Variants in AK5 observed in about 807,000 individuals in gnomAD.
AK5 encodes the protein adenylate kinase isoenzyme 5.
Under a neutral mutation model 69.5 loss-of-function variants are expected in AK5, and 27 were observed. The ratio of observed to expected loss-of-function variants is 0.39; its 90% CI spans 0.29 to 0.54. AK5 has a LOEUF of 0.54. AK5 is among the 20% of genes least tolerant of loss of function. The probability of loss-of-function intolerance (pLI) is 0.71; values close to 1 mark genes in which losing one functional copy is unlikely to be tolerated. For missense variants in AK5, 531 were observed against 700.4 expected, an observed-to-expected ratio of 0.76 and a Z score of 2.73; for synonymous variants, 260 against 244.4, an observed-to-expected ratio of 1.06 and a Z score of -0.60.
In AK5 at chr1:77,554,722, G is replaced by C. The variant is rs375121943; in HGVS notation, c.1621-3880G>C. Among the ~76,000 whole-genome samples, 29 of 151,406 alleles carry C rather than the reference G, an allele frequency of 1.9e-4. No homozygotes were observed. In the East Asian group the frequency reaches 3.7e-3, roughly 19 times the overall value. ...CCGGGTTCACGCCATTCTCCTGCCT[G>C]AGCCTCCCGAGTAGCTGGGACTACA... On this transcript the variant is annotated intron_variant, in intron 13 of 13. Coordinates refer to ENST00000354567, the MANE Select transcript of AK5 (RefSeq NM_174858.3).
intron 8 of AK5, among the ~76,000 whole-genome samples, chr1:77,435,994 T>G (rs1359085719): frequency 6.6e-6 from 1 of 152,226 alleles, no homozygotes; most frequent in African/African-American, 2.4e-5. Context: ...CCGTTAGTTT[T>G]GTCCTATACA....
At chr1:77,338,501 C>T (rs1429655342) in intron 5 of AK5, among the ~76,000 whole-genome samples, 1 of 152,156 alleles carries the variant, frequency 6.6e-6, no homozygotes, top group Non-Finnish European at 1.5e-5. Context: ...AGAGCTGTCA[C>T]ATAGACATTT....
intron 5 of AK5, among the ~76,000 whole-genome samples, chr1:77,301,278 G>A (rs1659329078): frequency 6.6e-6 from 1 of 152,146 alleles, no homozygotes; most frequent in Non-Finnish European, 1.5e-5. Context: ...AAAAAGTGTT[G>A]TCATCACATA....
chr1:77,392,894 C>T (rs1648581654), intron 6 of AK5, among the ~76,000 whole-genome samples: 2 of 152,084 alleles, frequency 1.3e-5, no homozygotes, highest in South Asian at 4.2e-4. Context: ...CCAACCAGGA[C>T]ATAGTAGTGG....
intron 8 of AK5, among the ~76,000 whole-genome samples, chr1:77,466,738 G>A (rs1006219713): frequency 3.9e-5 from 6 of 152,210 alleles, no homozygotes; most frequent in South Asian, 4.1e-4. Flanking sequence ...ACAGAAGGGC[G>A]GCAGAGAACC....
At chr1:77,535,736 C>A in intron 12 of AK5, 111 bp from the exon 13 acceptor site, 1 of 939,900 alleles carries the variant, frequency 1.1e-6, no homozygotes, top group Non-Finnish European at 1.6e-6. Context: ...AATGCTGGGA[C>A]CTTGAAGGGA....
intron 8 of AK5, among the ~76,000 whole-genome samples, chr1:77,462,884 T>C (rs1653926215): frequency 6.6e-6 from 1 of 152,214 alleles, no homozygotes. Context: ...ATAATTTGTC[T>C]CAATTCTTCA....
intron 5 of AK5, among the ~76,000 whole-genome samples, chr1:77,327,180 A>T (rs977068698): frequency 6.6e-6 from 1 of 152,152 alleles, no homozygotes; most frequent in Non-Finnish European, 1.5e-5. Context: ...TGAGGCCAGG[A>T]GTTCAAGACC....
chr1:77,366,005 A>G (rs1315594769), intron 6 of AK5, among the ~76,000 whole-genome samples: 1 of 152,222 alleles, frequency 6.6e-6, no homozygotes, highest in African/African-American at 2.4e-5. Context: ...CCACTAAAGA[A>G]CTTATCCATG....
intron 10 of AK5, among the ~76,000 whole-genome samples, chr1:77,508,026 G>A (rs116475891): frequency 1.0e-3 from 152 of 152,244 alleles, no homozygotes; most frequent in African/African-American, 3.5e-3. Flanking sequence ...CTTTTTGCAT[G>A]CCAACGTAAC....
intron 10 of AK5, among the ~76,000 whole-genome samples, chr1:77,504,699 C>T (rs1014694621): frequency 6.6e-6 from 1 of 152,126 alleles, no homozygotes; most frequent in Non-Finnish European, 1.5e-5. Context: ...TTGAACGTGA[C>T]CAGAACCTCA....
At chr1:77,544,070 C>T (rs142647059) in intron 13 of AK5, among the ~76,000 whole-genome samples, 94 of 152,270 alleles carry the variant, frequency 6.2e-4, no homozygotes, top group African/African-American at 2.1e-3. Context: ...CTACTACACA[C>T]GACAGCCTGT....
chr1:77,532,759 A>C (rs1658720121), intron 12 of AK5, among the ~76,000 whole-genome samples: 1 of 152,142 alleles, frequency 6.6e-6, no homozygotes, highest in Non-Finnish European at 1.5e-5. Context: ...GGCCATGGAG[A>C]ATCCGGTGAG....
intron 5 of AK5, among the ~76,000 whole-genome samples, chr1:77,333,222 C>A (rs560301417): frequency 1.8e-4 from 28 of 152,266 alleles, no homozygotes; most frequent in Non-Finnish European, 4.0e-4. Flanking sequence ...ACCTCTGAGG[C>A]CCCACCTCAT....
chr1:77,410,505 C>T (rs1649970725), intron 6 of AK5, among the ~76,000 whole-genome samples: 1 of 152,124 alleles, frequency 6.6e-6, no homozygotes, highest in South Asian at 2.1e-4. Flanking sequence ...GTCTCAAACT[C>T]CTGGCCTCAA....
At chr1:77,330,378 A>G (rs1053743990) in intron 5 of AK5, among the ~76,000 whole-genome samples, 9 of 152,256 alleles carry the variant, frequency 5.9e-5, no homozygotes, top group Non-Finnish European at 2.9e-5. Context: ...TGTCTTTCAC[A>G]TTTAGATCTG....
intron 5 of AK5, among the ~76,000 whole-genome samples, chr1:77,334,517 A>G (rs1268500652): frequency 6.6e-6 from 1 of 152,074 alleles, no homozygotes; most frequent in African/African-American, 2.4e-5. Flanking sequence ...CTTAGGTATT[A>G]TATTTTCAAA....
At chr1:77,540,266 G>C (rs17100694) in intron 13 of AK5, among the ~76,000 whole-genome samples, 3,897 of 152,350 alleles carry the variant, frequency 0.026, 130 homozygotes, top group African/African-American at 0.089. Context: ...GCACACCAGA[G>C]ATGGAAGTAC....
chr1:77,403,534 C>A (rs1272498814), intron 6 of AK5, among the ~76,000 whole-genome samples: 7 of 152,186 alleles, frequency 4.6e-5, no homozygotes, highest in Non-Finnish European at 8.8e-5. Flanking sequence ...GTCTTCCCAG[C>A]ACCATTTATT....
Sources: gnomAD v4.1 joint callset for allele counts (sites outside exome capture counted in the v4.1 genomes callset) on GRCh38, gnomAD v4.1.1 for gene constraint, MANE v1.5 for transcripts, NCBI Gene and HGNC (gene_info 2026-07-23, HGNC 2026-07-21) for gene names.